Variants in ANGPT1 observed in about 807,000 individuals in gnomAD.
ANGPT1 encodes the protein angiopoietin 1.
In ANGPT1, 17 loss-of-function variants were observed where a neutral mutation model predicts 62.2. The ratio of observed to expected loss-of-function variants is 0.27; its 90% CI spans 0.19 to 0.41. The LOEUF (loss-of-function observed/expected upper bound fraction) is 0.41, where lower values mean the gene tolerates loss of function less well. Ranked by LOEUF, ANGPT1 falls within the 10% of genes least tolerant of loss-of-function variation. The pLI, the probability that ANGPT1 is intolerant of heterozygous loss-of-function variation, is 1.00. For synonymous variants in ANGPT1, 199 were observed against 198.9 expected (o/e 1.00, Z 0.00); for missense variants, 478 against 594.9 (o/e 0.80, Z 2.04).
rs537349108 is a variant in ANGPT1 at position 107,440,252 on chromosome 8, A to G, written c.297+57010T>C. Reference sequence around the variant, plus strand: ...GAATGTGGCTTGCAAACCACAGAAGATGATTAAAAACATTCACTATTTTAA... The same window carrying G: ...GAATGTGGCTTGCAAACCACAGAAGGTGATTAAAAACATTCACTATTTTAA... On this transcript the variant is annotated intron_variant, in intron 1 of 8. Transcript: ENST00000517746. Among the ~76,000 whole-genome samples the G allele has an allele frequency of 5.3e-5, 8 of 152,322 alleles. No individual in the cohort carries two copies. The South Asian group carries it at 1.7e-3, about 32-fold the overall frequency.
At chr8:107,389,329 T>G (rs1028348247) in intron 1 of ANGPT1, among the ~76,000 whole-genome samples, 2 of 152,194 alleles carry the variant, frequency 1.3e-5, no homozygotes, top group African/African-American at 4.8e-5. Context: ...CTTGGTTTTC[T>G]TTGAGTTAGA....
chr8:107,295,572 A>G (rs73311603), intron 5 of ANGPT1: 45 of 152,272 alleles, frequency 3.0e-4, no homozygotes, highest in Middle Eastern at 3.4e-3. Context: ...GACAGAGTTC[A>G]CAATTTTCAG....
chr8:107,346,803 CATT>C (rs565819866), intron 2 of ANGPT1, 136 bp downstream of exon 2: 106 of 746,218 alleles, frequency 1.4e-4, no homozygotes, highest in Middle Eastern at 8.5e-4. Context: ...GTCAGGCAGT[CATT>C]GTTGTTATTA....
At chr8:107,337,889 G>T (rs1432093362) in intron 2 of ANGPT1, among the ~76,000 whole-genome samples, 1 of 152,078 alleles carries the variant, frequency 6.6e-6, no homozygotes, top group Non-Finnish European at 1.5e-5. Context: ...GAGCTCAGGA[G>T]TTCAAGGCCA....
At chr8:107,345,269 G>T (rs773747557) in intron 2 of ANGPT1, among the ~76,000 whole-genome samples, 3 of 152,130 alleles carry the variant, frequency 2.0e-5, no homozygotes, top group Non-Finnish European at 4.4e-5. Context: ...TTCGTATAAG[G>T]AGTAGTTATT....
intron 1 of ANGPT1, among the ~76,000 whole-genome samples, chr8:107,391,390 G>A (rs1290468082): frequency 6.6e-6 from 1 of 152,196 alleles, no homozygotes; most frequent in Non-Finnish European, 1.5e-5. Context: ...TGTTGGGCCA[G>A]GAGCAGTGGT....
At chr8:107,420,680 C>G (rs1810874417) in intron 1 of ANGPT1, among the ~76,000 whole-genome samples, 1 of 152,082 alleles carries the variant, frequency 6.6e-6, no homozygotes, top group Non-Finnish European at 1.5e-5. Flanking sequence ...TGTTATCAAT[C>G]TGTTATTTAG....
chr8:107,451,612 C>A (rs11991529), intron 1 of ANGPT1, among the ~76,000 whole-genome samples: 1 of 151,760 alleles, frequency 6.6e-6, no homozygotes, highest in Non-Finnish European at 1.5e-5. Context: ...AAACATGGAA[C>A]TTGTTATTTT....
rs536222863 is a variant in ANGPT1, at chr8:107,371,471, C to T, written c.298-24374G>A. Among the ~76,000 whole-genome samples the T allele has an allele frequency of 2.5e-3, 378 of 151,940 alleles. 3 individuals are homozygous for T. The highest frequency in any genetic ancestry group is 1.8e-3 in the Non-Finnish European group (124 of 67,996). On this transcript the variant is annotated intron_variant, in intron 1 of 8. Coordinates refer to ENST00000517746, the MANE Select transcript of ANGPT1 (RefSeq NM_001146.5). Reference sequence around the variant, plus strand: ...AAGCTTACATATGTGTTCTGCTACTCTTTGTGGTTTGTGGTGGAGGCTAGT... The same window carrying T: ...AAGCTTACATATGTGTTCTGCTACTTTTTGTGGTTTGTGGTGGAGGCTAGT...
At chr8:107,398,500 A>ATTTTTTTTTTTTTTTTTT (rs10556477) in intron 1 of ANGPT1, among the ~76,000 whole-genome samples, 2 of 132,764 alleles carry the variant, frequency 1.5e-5, no homozygotes, top group African/African-American at 2.7e-5. Flanking sequence ...TTTCTTTTCT[A>ATTTTTTTTTTTTTTTTTT]TTTTTTTTTT....
intron 1 of ANGPT1, among the ~76,000 whole-genome samples, chr8:107,369,251 A>G (rs1356959776): frequency 6.6e-6 from 1 of 152,076 alleles, no homozygotes; most frequent in Non-Finnish European, 1.5e-5. Context: ...ATGAGCCACA[A>G]CCTCTGCTAG....
At chr8:107,459,386 C>T (rs755191526) in intron 1 of ANGPT1, among the ~76,000 whole-genome samples, 7 of 151,984 alleles carry the variant, frequency 4.6e-5, no homozygotes, top group Non-Finnish European at 1.0e-4. Context: ...CCTGTGTCTA[C>T]TAAGTCAGCC....
At chr8:107,370,340 A>AAAAG (rs71308727) in intron 1 of ANGPT1, among the ~76,000 whole-genome samples, 1,516 of 54,312 alleles carry the variant, frequency 0.028, 143 homozygotes, top group African/African-American at 0.049. Flanking sequence ...GAAAGAAAGA[A>AAAAG]AAAGAAAGAA....
intron 8 of ANGPT1, among the ~76,000 whole-genome samples, chr8:107,260,150 G>A (rs1813458964): frequency 1.3e-5 from 2 of 152,048 alleles, no homozygotes; most frequent in Non-Finnish European, 2.9e-5. Flanking sequence ...CCTACCTTGG[G>A]TCTAGCTGAA....
Position 107,368,849 on chromosome 8 carries a change from T to C in ANGPT1, c.298-21752A>G, listed in dbSNP as rs202081026. Among the ~76,000 whole-genome samples, 18 of 10,818 alleles carry C rather than the reference T, an allele frequency of 1.7e-3. 8 individuals are homozygous for C. The highest frequency in any genetic ancestry group is 5.7e-3 in the Non-Finnish European group (14 of 2,458). The allele number at this position is 10,818 out of a possible 152,430, so 7.1% of individuals were successfully genotyped here. A position where few individuals can be genotyped will look rare whatever the true frequency, so the allele number is the denominator to read the frequency against. ...TATATTCCTTATACTTATTTATAAG[T>C]ATATTCCTTATACTTATTTATAAGT... On this transcript the variant is annotated intron_variant, in intron 1 of 8. Coordinates refer to ENST00000517746, the MANE Select transcript of ANGPT1 (RefSeq NM_001146.5).
At chr8:107,362,581 C>T (rs572825402) in intron 1 of ANGPT1, among the ~76,000 whole-genome samples, 1 of 152,158 alleles carries the variant, frequency 6.6e-6, no homozygotes, top group South Asian at 2.1e-4. Context: ...TCATTATCTC[C>T]AGGAAACCAT....
intron 1 of ANGPT1, among the ~76,000 whole-genome samples, chr8:107,442,966 T>C (rs1182444132): frequency 2.6e-5 from 4 of 152,200 alleles, no homozygotes. Flanking sequence ...AATTAAATAT[T>C]CTTTTCCTAA....
chr8:107,373,646 T>G (rs1271193989), intron 1 of ANGPT1, among the ~76,000 whole-genome samples: 4 of 152,140 alleles, frequency 2.6e-5, no homozygotes, highest in Non-Finnish European at 5.9e-5. Flanking sequence ...ATGATGGAAG[T>G]TTTTCTTTCT....
At chr8:107,398,500 A>ATTTTTTTTT (rs10556477) in intron 1 of ANGPT1, among the ~76,000 whole-genome samples, 1 of 132,766 alleles carries the variant, frequency 7.5e-6, no homozygotes, top group Non-Finnish European at 1.6e-5. Context: ...TTTCTTTTCT[A>ATTTTTTTTT]TTTTTTTTTT....
Sources: allele counts gnomAD v4.1 joint callset (sites outside exome capture counted in the v4.1 genomes callset), GRCh38; gene constraint gnomAD v4.1.1; transcripts MANE v1.5; gene names NCBI Gene and HGNC (gene_info 2026-07-23, HGNC 2026-07-21).